The following RGL1 variants were observed in gnomAD, a reference collection of about 807,000 sequenced individuals.
RGL1 encodes ral guanine nucleotide dissociation stimulator like 1, also known as ral guanine nucleotide dissociation stimulator-like 1.
A neutral mutation model predicts 95.2 loss-of-function variants in RGL1; 24 were observed. The ratio of observed to expected loss-of-function variants is 0.25; its 90% CI spans 0.18 to 0.35. The LOEUF (loss-of-function observed/expected upper bound fraction) is 0.35, where lower values mean the gene tolerates loss of function less well. Among genes scored for constraint, RGL1 ranks in the 10% least tolerant of loss-of-function variants. The pLI is 1.00. For synonymous variants in RGL1, 329 were observed against 344.9 expected, an observed-to-expected ratio of 0.95 and a Z score of 0.51; for missense variants, 715 against 936.3, an observed-to-expected ratio of 0.76 and a Z score of 3.08.
chr1:183,858,586 A>G (rs899537856), intron 3 of RGL1, among the ~76,000 whole-genome samples: 5 of 152,332 alleles, frequency 3.3e-5, no homozygotes, highest in Admixed American at 2.0e-4. Context: ...GGTAAATTTA[A>G]TGGTTTTAGA....
intron 1 of RGL1, among the ~76,000 whole-genome samples, chr1:183,657,786 A>AGTCCT (rs1407853196): frequency 6.6e-6 from 1 of 151,712 alleles, no homozygotes; most frequent in African/African-American, 2.4e-5. Flanking sequence ...CATGATTTAT[A>AGTCCT]GTCCTTTGGG....
At chr1:183,809,896 G>C (rs902716094) in intron 2 of RGL1, among the ~76,000 whole-genome samples, 1 of 152,170 alleles carries the variant, frequency 6.6e-6, no homozygotes, top group Non-Finnish European at 1.5e-5. Context: ...GGTCAAGGCT[G>C]TAGCGAGCCA....
chr1:183,740,659 G>A (rs1000514683), intron 1 of RGL1, among the ~76,000 whole-genome samples: 1 of 152,036 alleles, frequency 6.6e-6, no homozygotes, highest in Non-Finnish European at 1.5e-5. Flanking sequence ...CTGCTTGGGG[G>A]GTGTGTGATG....
chr1:183,865,396 C>T (rs1665764501), intron 3 of RGL1, among the ~76,000 whole-genome samples: 1 of 152,224 alleles, frequency 6.6e-6, no homozygotes. Context: ...GCTACAGCTG[C>T]TCTCATGGTT....
At chr1:183,853,552 A>T (rs1664957439) in intron 3 of RGL1, among the ~76,000 whole-genome samples, 1 of 152,200 alleles carries the variant, frequency 6.6e-6, no homozygotes. Context: ...AGATTATCTG[A>T]CTTAAATTTG....
intron 2 of RGL1, among the ~76,000 whole-genome samples, chr1:183,760,591 A>AC (rs1658609238): frequency 7.8e-6 from 1 of 128,052 alleles, no homozygotes; most frequent in African/African-American, 2.7e-5. Flanking sequence ...AAAAAAAAAA[A>AC]AACAAACCTG....
At chr1:183,825,210 T>A (rs1362384267) in intron 2 of RGL1, among the ~76,000 whole-genome samples, 1 of 152,206 alleles carries the variant, frequency 6.6e-6, no homozygotes, top group Non-Finnish European at 1.5e-5. Flanking sequence ...TTTAGACATA[T>A]CATGCTGGAA....
intron 1 of RGL1, among the ~76,000 whole-genome samples, chr1:183,728,049 T>C (rs1291865762): frequency 2.6e-5 from 4 of 152,136 alleles, no homozygotes; most frequent in Admixed American, 1.3e-4. Context: ...ATCCAATTCA[T>C]TGGGAGCCTG....
chr1:183,896,273 A>C (rs1434972497), intron 9 of RGL1, among the ~76,000 whole-genome samples: 1 of 151,838 alleles, frequency 6.6e-6, no homozygotes, highest in Non-Finnish European at 1.5e-5. Flanking sequence ...TTGGACTTGA[A>C]CTCCTGGGCT....
chr1:183,836,724 C>T (rs554140659), intron 2 of RGL1, among the ~76,000 whole-genome samples: 6 of 152,172 alleles, frequency 3.9e-5, no homozygotes, highest in South Asian at 4.1e-4. Flanking sequence ...GAATATTATA[C>T]GTGCCAAAAA....
intron 2 of RGL1, among the ~76,000 whole-genome samples, chr1:183,781,050 G>A (rs1211413668): frequency 3.9e-5 from 6 of 152,142 alleles, no homozygotes; most frequent in Non-Finnish European, 8.8e-5. Flanking sequence ...AGAGGGATGG[G>A]GCAGGGATAA....
chr1:183,711,241 G>A (rs1275157199), intron 1 of RGL1, among the ~76,000 whole-genome samples: 1 of 152,176 alleles, frequency 6.6e-6, no homozygotes, highest in Non-Finnish European at 1.5e-5. Flanking sequence ...TTTGCACACT[G>A]GTTCCAACCA....
intron 1 of RGL1, among the ~76,000 whole-genome samples, chr1:183,693,754 G>A (rs377444967): frequency 1.3e-5 from 2 of 152,044 alleles, no homozygotes; most frequent in East Asian, 1.9e-4. Flanking sequence ...ACTACCTGTA[G>A]GCCTTCCTGT....
chr1:183,717,691 A>G (rs1447767578), intron 1 of RGL1, among the ~76,000 whole-genome samples: 1 of 152,220 alleles, frequency 6.6e-6, no homozygotes, highest in Non-Finnish European at 1.5e-5. Flanking sequence ...TCGGGTGATG[A>G]TTGAGATAGA....
intron 4 of RGL1, 63 bp from the exon 5 acceptor site, chr1:183,880,553 C>G (rs1666765519): frequency 6.5e-6 from 10 of 1,528,776 alleles, no homozygotes; most frequent in Non-Finnish European, 9.0e-6. Context: ...CCCTGGTGTC[C>G]AGGGATTGCT....
intron 1 of RGL1, among the ~76,000 whole-genome samples, chr1:183,660,208 T>C (rs1651508359): frequency 6.6e-6 from 1 of 152,064 alleles, no homozygotes; most frequent in African/African-American, 2.4e-5. Flanking sequence ...CCCATAACAA[T>C]ATTAATTTTA....
rs530113553 is a variant in RGL1 at position 183,791,142 on chromosome 1, C to T, written c.133-15233C>T. On this transcript the variant is annotated intron_variant, in intron 2 of 18. Transcript: ENST00000304685. ...TGTAGACCTCACTTTGTGTCCTAGA[C>T]AAAACAGGATCAGTGTGGGTCATTA... is the stretch of plus-strand genomic sequence containing the variant. Among the ~76,000 whole-genome samples the T allele has an allele frequency of 7.2e-5, 11 of 152,192 alleles. No individual in the cohort carries two copies. In the South Asian group the frequency reaches 2.1e-3, roughly 29 times the overall value.
chr1:183,896,689 C>A (rs568747494), intron 9 of RGL1, among the ~76,000 whole-genome samples: 2 of 152,330 alleles, frequency 1.3e-5, no homozygotes, highest in East Asian at 3.9e-4. Flanking sequence ...TTTACCCCCC[C>A]ATTCATGCAG....
Position 183,884,724 on chromosome 1 carries a change from A to G in RGL1, c.737A>G (p.Gln246Arg), listed in dbSNP as rs1667015894. 4 of 1,613,768 alleles carry G rather than the reference A, an allele frequency of 2.5e-6. No homozygotes were observed. The highest frequency in any genetic ancestry group is 2.5e-6 in the Non-Finnish European group (3 of 1,179,810). ...VAEQLTYMDAQLFKKVVPHHC... is the reference protein window; with the variant it reads ...VAEQLTYMDARLFKKVVPHHC... ...AAGTCAGTTCCTCTTTTGTTCCAGCAACTCTTCAAGAAAGTAGTGCCTCAC... is the reference window on the plus strand; with the variant it reads ...AAGTCAGTTCCTCTTTTGTTCCAGCGACTCTTCAAGAAAGTAGTGCCTCAC... Residue 246 changes from glutamine to arginine, a missense_variant and splice_region_variant, in exon 7 of 18, where the codon CAA (glutamine) becomes CGA (arginine). Physicochemically the swap from Gln to Arg is conservative, Grantham distance 43 (BLOSUM62 1). Around this residue, in one of 3 missense-constraint regions of RGL1, gnomAD observed 381 missense variants for 484.8 expected, o/e 0.79. Transcript: ENST00000360851.
Sources: gnomAD v4.1 joint callset for allele counts (sites outside exome capture counted in the v4.1 genomes callset) on GRCh38, gnomAD v4.1.1 for gene constraint, gnomAD v4.1.1 regional missense constraint, MANE v1.5 for transcripts, NCBI Gene and HGNC (gene_info 2026-07-23, HGNC 2026-07-21) for gene names.